ACYP2: variants seen among roughly 807,000 people sequenced by gnomAD.
ACYP2 encodes the protein acylphosphatase-2.
ACYP2 carries 12 observed loss-of-function variants against 11.2 expected under a neutral mutation model. The observed-to-expected ratio is 1.08, with a 90% CI of 0.69 to 1.74. The LOEUF is 1.74. Ranked by LOEUF, ACYP2 falls within the 40% of genes most tolerant of loss-of-function variation. The probability of loss-of-function intolerance (pLI) is 0.00; values close to 1 mark genes in which losing one functional copy is unlikely to be tolerated. For missense variants in ACYP2, 134 were observed against 101.9 expected (o/e 1.31, Z -1.35); for synonymous variants, 43 against 32.2 (o/e 1.33, Z -1.13).
intron 4 of ACYP2, among the ~76,000 whole-genome samples, chr2:54,076,670 G>A (rs1677359319): frequency 6.6e-6 from 1 of 152,206 alleles, no homozygotes. Context: ...GAGTGTTTTG[G>A]AGAAGGAATT....
At chr2:54,235,559 C>T (rs58852491) in intron 6 of ACYP2, among the ~76,000 whole-genome samples, 1,557 of 152,194 alleles carry the variant, frequency 0.01, 32 homozygotes, top group African/African-American at 0.036. Flanking sequence ...ACCATGTTAG[C>T]CAGGATGGTC....
At chr2:54,071,827 A>G (rs1004144396) in intron 4 of ACYP2, among the ~76,000 whole-genome samples, 2 of 152,136 alleles carry the variant, frequency 1.3e-5, no homozygotes, top group South Asian at 2.1e-4. Context: ...CCTGGTCAAC[A>G]TGACAAAACC....
chr2:54,065,713 G>A (rs1676709533), intron 4 of ACYP2: 1 of 388,752 alleles, frequency 2.6e-6, no homozygotes. Flanking sequence ...TTAACAGGCT[G>A]TAGCCGGAAA....
chr2:54,020,805 T>A (rs956625971), intron 2 of ACYP2, among the ~76,000 whole-genome samples: 1 of 152,214 alleles, frequency 6.6e-6, no homozygotes, highest in African/African-American at 2.4e-5. Context: ...ACATGGGAAG[T>A]TTTTTGAATA....
At chr2:54,001,780 C>T (rs1193481527) in intron 2 of ACYP2, among the ~76,000 whole-genome samples, 1 of 152,102 alleles carries the variant, frequency 6.6e-6, no homozygotes, top group African/African-American at 2.4e-5. Context: ...CTGAAAATAC[C>T]CTCTGTTAGG....
At chr2:54,193,175 T>G (rs1684306882) in intron 6 of ACYP2, among the ~76,000 whole-genome samples, 2 of 152,206 alleles carry the variant, frequency 1.3e-5, no homozygotes, top group Non-Finnish European at 1.5e-5. Flanking sequence ...ACTGTCCTTT[T>G]AAAGAGGAAA....
chr2:54,116,499 A>AG (rs1273769738), intron 4 of ACYP2, among the ~76,000 whole-genome samples: 8 of 123,104 alleles, frequency 6.5e-5, no homozygotes, highest in African/African-American at 2.3e-4. Context: ...GTTTTGCTTG[A>AG]GGGTTTTTTT....
chr2:54,265,999 C>A (rs1043106544), intron 6 of ACYP2, among the ~76,000 whole-genome samples: 1 of 151,918 alleles, frequency 6.6e-6, no homozygotes, highest in Admixed American at 6.6e-5. Context: ...TTTATTATGC[C>A]CATAAAAAAA....
intron 6 of ACYP2, among the ~76,000 whole-genome samples, chr2:54,275,090 G>A (rs1201594417): frequency 6.6e-6 from 1 of 152,106 alleles, no homozygotes; most frequent in Non-Finnish European, 1.5e-5. Context: ...AAACCTCCTT[G>A]CCTCAATAAC....
chr2:54,065,336 A>G, intron 4 of ACYP2: 1 of 395,014 alleles, frequency 2.5e-6, no homozygotes, highest in Non-Finnish European at 4.5e-6. Flanking sequence ...TACTTTGTTT[A>G]AATCCTGATT....
chr2:54,173,852 T>C (rs1683324243), intron 6 of ACYP2, among the ~76,000 whole-genome samples: 1 of 151,476 alleles, frequency 6.6e-6, no homozygotes, highest in African/African-American at 2.4e-5. Flanking sequence ...TGGTTGTAGG[T>C]GTTATTTCTG....
intron 2 of ACYP2, among the ~76,000 whole-genome samples, chr2:54,002,051 G>C (rs550827190): frequency 4.6e-5 from 7 of 152,132 alleles, no homozygotes; most frequent in Non-Finnish European, 1.0e-4. Context: ...GTTCACCATT[G>C]GTGGTGTACA....
chr2:54,219,023 A>C (rs999385198), intron 6 of ACYP2, among the ~76,000 whole-genome samples: 1 of 152,196 alleles, frequency 6.6e-6, no homozygotes, highest in African/African-American at 2.4e-5. Flanking sequence ...TCTAGAGTCT[A>C]TATCTTGGAT....
intron 6 of ACYP2, among the ~76,000 whole-genome samples, chr2:54,228,815 C>T (rs114759687): frequency 3.8e-3 from 578 of 152,128 alleles, no homozygotes; most frequent in Admixed American, 6.3e-3. Context: ...ATAAGGGGCC[C>T]ATAACCAGGG....
chr2:54,055,182 G>A (rs1223095520), intron 3 of ACYP2, among the ~76,000 whole-genome samples: 2 of 152,030 alleles, frequency 1.3e-5, no homozygotes, highest in Admixed American at 6.6e-5. Flanking sequence ...GACTACAGGT[G>A]TGCACCACCA....
intron 2 of ACYP2, among the ~76,000 whole-genome samples, chr2:54,007,089 A>C (rs72799298): frequency 0.35 from 46,976 of 135,384 alleles, 8,556 homozygotes; most frequent in South Asian, 0.55. Flanking sequence ...CAGTGAGCTG[A>C]GATTGTACCA....
chr2:54,051,181 C>G, intron 3 of ACYP2: 1 of 721,112 alleles, frequency 1.4e-6, no homozygotes, highest in South Asian at 1.6e-5. Flanking sequence ...TTGGGCGACT[C>G]TGCCTCACTG....
At chr2:54,208,747 AAAGT>A (rs549638187) in intron 6 of ACYP2, among the ~76,000 whole-genome samples, 421 of 152,212 alleles carry the variant, frequency 2.8e-3, no homozygotes, top group African/African-American at 9.6e-3. Context: ...GTTATAGAGA[AAAGT>A]AAGAGGAAAA....
chr2:54,297,560 A>C (rs1377789659), intron 6 of ACYP2, among the ~76,000 whole-genome samples: 1 of 152,242 alleles, frequency 6.6e-6, no homozygotes, highest in Admixed American at 6.5e-5. Flanking sequence ...AAAATGGACT[A>C]ACAGAATGAA....
Sources: gnomAD v4.1 joint callset for allele counts (sites outside exome capture counted in the v4.1 genomes callset) on GRCh38, gnomAD v4.1.1 for gene constraint, MANE v1.5 for transcripts, NCBI Gene and HGNC (gene_info 2026-07-23, HGNC 2026-07-21) for gene names.